Variants in GJB7 observed in about 807,000 individuals in gnomAD.
GJB7 encodes gap junction protein beta 7, also known as gap junction beta-7 protein.
For synonymous variants in GJB7, 87 were observed against 95.2 expected (o/e 0.91, Z 0.50); for missense variants, 253 against 256.8 (o/e 0.99, Z 0.10).
At position 87,325,725 on chromosome 6, in the gene GJB7, CTCT is replaced by C. The variant is rs1426207934; in HGVS notation, c.-205-2685_-205-2683del. Among the ~76,000 whole-genome samples the C allele has an allele frequency of 2.0e-5, 3 of 152,042 alleles. No individual in the cohort carries two copies. In the East Asian group the frequency reaches 5.8e-4, roughly 29 times the overall value. On this transcript the variant is annotated intron_variant, in intron 1 of 2. Coordinates refer to ENST00000525899, the MANE Select transcript of GJB7 (RefSeq NM_198568.3). ...TCATCAAGGATATTGGTCTAAAATT[CTCT>C]TTTTTGGTTGTGTCTCTGCCCGGCT...
intron 2 of GJB7, among the ~76,000 whole-genome samples, chr6:87,317,255 T>C (rs1480951302): frequency 6.6e-6 from 1 of 150,836 alleles, no homozygotes; most frequent in Non-Finnish European, 1.5e-5. Context: ...CTCCAGATAC[T>C]CAGGAGGCTG....
chr6:87,298,509 G>A (rs1331363340), intron 2 of GJB7, among the ~76,000 whole-genome samples: 2 of 152,156 alleles, frequency 1.3e-5, no homozygotes, highest in Non-Finnish European at 2.9e-5. Flanking sequence ...AAATGAAAGG[G>A]CTGAAATCCA....
At chr6:87,299,447 A>G in intron 2 of GJB7, 1 of 450,744 alleles carries the variant, frequency 2.2e-6, no homozygotes, top group South Asian at 1.8e-5. Context: ...AATACGTCAA[A>G]AGGTTAGAAA....
At chr6:87,325,053 A>G (rs1776783311) in intron 1 of GJB7, among the ~76,000 whole-genome samples, 1 of 152,082 alleles carries the variant, frequency 6.6e-6, no homozygotes, top group Non-Finnish European at 1.5e-5. Context: ...GAGTTCACTC[A>G]TGATTTGGCT....
In GJB7 at chr6:87,316,000, C is replaced by G. The variant is rs375694902; in HGVS notation, c.-28+6866G>C. Among the ~76,000 whole-genome samples the G allele has an allele frequency of 2.0e-4, 31 of 152,204 alleles. No individual in the cohort carries two copies. The East Asian group carries it at 5.6e-3, about 28-fold the overall frequency. On this transcript the variant is annotated intron_variant, in intron 2 of 2. Transcript: ENST00000525899. ...TTTCTGTCATTTGCAACTGAAATAA[C>G]AGGTGTGTGCTGAGTCTTCAAGACC... is the stretch of plus-strand genomic sequence containing the variant.
intron 2 of GJB7, among the ~76,000 whole-genome samples, chr6:87,316,157 C>T (rs149767981): frequency 2.0e-5 from 3 of 152,244 alleles, no homozygotes; most frequent in Non-Finnish European, 4.4e-5. Flanking sequence ...TGAGCTGATG[C>T]GCAGATATCT....
chr6:87,308,636 T>C (rs1776469858), intron 2 of GJB7, among the ~76,000 whole-genome samples: 1 of 151,932 alleles, frequency 6.6e-6, no homozygotes, highest in South Asian at 2.1e-4. Flanking sequence ...TAGGGAGAAA[T>C]AATTTTGATT....
chr6:87,311,838 G>T (rs963004330), intron 2 of GJB7, among the ~76,000 whole-genome samples: 1 of 152,126 alleles, frequency 6.6e-6, no homozygotes, highest in Non-Finnish European at 1.5e-5. Context: ...GACACAGGTG[G>T]TCTCAGCTCT....
At chr6:87,322,276 C>A (rs1776678788) in intron 2 of GJB7, 1 of 152,206 alleles carries the variant, frequency 6.6e-6, no homozygotes, top group Non-Finnish European at 1.5e-5. Flanking sequence ...TTTCCACTTT[C>A]ATGAAATAAA....
intron 2 of GJB7, among the ~76,000 whole-genome samples, chr6:87,304,347 C>A (rs1008639693): frequency 6.6e-6 from 1 of 152,118 alleles, no homozygotes; most frequent in Admixed American, 6.5e-5. Context: ...GGGGATATCA[C>A]CACCGATCCC....
chr6:87,284,591 T>G lies in GJB7; in HGVS notation c.322A>C (p.Lys108Gln), dbSNP rs781423994. ...ATTGTACCTGGGCTGACATAGAGTT[T>G]CTTTCTGTGCCTTTTCTCTCTACCC... ...HEGREKRHRK[K>Q]LYVSPGTMDG... Residue 108 changes from lysine to glutamine, a missense_variant, in exon 3 of 3, where the codon AAA becomes CAA. By Grantham distance (53) the Lys-to-Gln change is moderately conservative. Coordinates refer to ENST00000525899, the MANE Select transcript of GJB7 (RefSeq NM_198568.3). The G allele has an allele frequency of 1.9e-6, 3 of 1,614,046 alleles. No homozygotes were observed. In the Admixed American group the frequency reaches 5.0e-5, roughly 27 times the overall value.
intron 2 of GJB7, among the ~76,000 whole-genome samples, chr6:87,304,381 A>T (rs1237322847): frequency 6.6e-6 from 1 of 152,238 alleles, no homozygotes; most frequent in Non-Finnish European, 1.5e-5. Context: ...CTACCATCAG[A>T]AAATACTATA....
intron 2 of GJB7, among the ~76,000 whole-genome samples, chr6:87,303,765 A>G (rs187004723): frequency 6.6e-6 from 1 of 152,224 alleles, no homozygotes; most frequent in Non-Finnish European, 1.5e-5. Flanking sequence ...AATTGACCTC[A>G]TAGTTGGAAG....
chr6:87,295,492 T>C (rs1396134544), intron 2 of GJB7, among the ~76,000 whole-genome samples: 8 of 152,112 alleles, frequency 5.3e-5, no homozygotes, highest in Admixed American at 5.2e-4. Context: ...TCTGGTGCCA[T>C]AGGTAGTTCA....
intron 2 of GJB7, among the ~76,000 whole-genome samples, chr6:87,303,220 A>T (rs1180927833): frequency 2.0e-5 from 3 of 152,208 alleles, no homozygotes; most frequent in Admixed American, 1.3e-4. Flanking sequence ...CAATTAAAAG[A>T]CACAGACTGG....
At chr6:87,314,859 G>A (rs1193341977) in intron 2 of GJB7, among the ~76,000 whole-genome samples, 1 of 152,112 alleles carries the variant, frequency 6.6e-6, no homozygotes, top group Non-Finnish European at 1.5e-5. Flanking sequence ...GAACTTTCCT[G>A]GGGCATCCAC....
intron 2 of GJB7, among the ~76,000 whole-genome samples, chr6:87,288,123 G>A (rs1776096741): frequency 6.6e-6 from 1 of 151,990 alleles, no homozygotes; most frequent in South Asian, 2.1e-4. Context: ...GGCTGGTCTC[G>A]AATTCCTGAC....
intron 2 of GJB7, among the ~76,000 whole-genome samples, chr6:87,287,389 A>T (rs1776078774): frequency 6.6e-6 from 1 of 152,246 alleles, no homozygotes; most frequent in Non-Finnish European, 1.5e-5. Context: ...TGGGAGCATA[A>T]TACATGTTCT....
At position 87,284,207 on chromosome 6, in the gene GJB7, C is replaced by G; in HGVS notation, c.*34G>C. On this transcript the variant is annotated 3_prime_UTR_variant, in exon 3 of 3. Transcript: ENST00000525899. ...TCTGGAGTAGGGGAGGGGTCCCTCT[C>G]CTACCACATTCAACATATCTGAGGC... 6.4e-7 allele frequency: 1 copy of G among 1,563,754 alleles called. No homozygotes were observed. The highest frequency in any genetic ancestry group is 2.2e-5 in the East Asian group (1 of 44,574).
Sources: gnomAD v4.1 joint callset for allele counts (sites outside exome capture counted in the v4.1 genomes callset) on GRCh38, gnomAD v4.1.1 for gene constraint, MANE v1.5 for transcripts, NCBI Gene and HGNC (gene_info 2026-07-23, HGNC 2026-07-21) for gene names.